The following CRKL variants were observed in gnomAD, a reference collection of about 807,000 sequenced individuals.
The protein encoded by CRKL is CRK like proto-oncogene, adaptor protein.
In CRKL, 3 loss-of-function variants were observed where a neutral mutation model predicts 23.0. The observed-to-expected ratio is 0.13, with a 90% CI of 0.06 to 0.34. CRKL has a LOEUF of 0.34. Ranked by LOEUF, CRKL falls within the 10% of genes least tolerant of loss-of-function variation. The pLI, the probability that CRKL is intolerant of heterozygous loss-of-function variation, is 1.00. For missense variants in CRKL, 256 were observed against 394.5 expected (o/e 0.65, Z 2.97); for synonymous variants, 188 against 160.7 (o/e 1.17, Z -1.28).
intron 1 of CRKL, 53 bp downstream of exon 1, chr22:20,918,298 G>C: frequency 6.3e-7 from 1 of 1,581,420 alleles, no homozygotes; most frequent in Non-Finnish European, 8.6e-7. Context: ...CGGGTCTGTC[G>C]AAGAGTGCTT....
intron 2 of CRKL, among the ~76,000 whole-genome samples, chr22:20,937,380 C>T (rs1459087757): frequency 6.6e-6 from 1 of 151,104 alleles, no homozygotes; most frequent in African/African-American, 2.4e-5. Flanking sequence ...TCGTTGAGAA[C>T]CTTGAAAGTC....
intron 1 of CRKL, among the ~76,000 whole-genome samples, chr22:20,924,449 G>C (rs1440596695): frequency 6.6e-6 from 1 of 152,166 alleles, no homozygotes; most frequent in African/African-American, 2.4e-5. Flanking sequence ...ATTTGGAATG[G>C]GGAAAGGATT....
At chr22:20,919,634 A>G (rs1420345796) in intron 1 of CRKL, among the ~76,000 whole-genome samples, 3 of 152,194 alleles carry the variant, frequency 2.0e-5, no homozygotes, top group South Asian at 4.1e-4. Flanking sequence ...ATTTGAGTTG[A>G]AAAGTTGCCT....
intron 2 of CRKL, among the ~76,000 whole-genome samples, chr22:20,945,364 C>G (rs1200434828): frequency 7.8e-6 from 1 of 128,598 alleles, no homozygotes; most frequent in Non-Finnish European, 1.7e-5. Context: ...GATCTCGTAC[C>G]CTGCGACTTT....
At chr22:20,926,586 A>G (rs1921211409) in intron 1 of CRKL, among the ~76,000 whole-genome samples, 2 of 152,088 alleles carry the variant, frequency 1.3e-5, no homozygotes, top group African/African-American at 4.8e-5. Context: ...TAGCAATCTG[A>G]TGGGTTTGTT....
intron 1 of CRKL, among the ~76,000 whole-genome samples, chr22:20,932,979 C>T (rs889048311): frequency 9.9e-5 from 15 of 152,004 alleles, no homozygotes; most frequent in Non-Finnish European, 1.5e-5. Context: ...ACTCGGGAGG[C>T]TGAGGCAGAA....
chr22:20,936,547 C>T (rs1005462761), intron 2 of CRKL, among the ~76,000 whole-genome samples: 1 of 151,980 alleles, frequency 6.6e-6, no homozygotes, highest in Non-Finnish European at 1.5e-5. Flanking sequence ...GACGGGGTTT[C>T]TCCATGTTGG....
intron 1 of CRKL, among the ~76,000 whole-genome samples, chr22:20,925,066 T>TAGTC (rs1921146895): frequency 6.6e-6 from 1 of 151,394 alleles, no homozygotes; most frequent in African/African-American, 2.4e-5. Context: ...CATGCATCTG[T>TAGTC]AGTCCCAGCT....
chr22:20,927,513 C>T (rs1264614470), intron 1 of CRKL, among the ~76,000 whole-genome samples: 12 of 139,898 alleles, frequency 8.6e-5, no homozygotes, highest in African/African-American at 2.6e-4. Context: ...AGTTTTCTAC[C>T]TTTTTTTTTT....
chr22:20,925,786 G>A (rs924621132), intron 1 of CRKL, among the ~76,000 whole-genome samples: 1 of 152,162 alleles, frequency 6.6e-6, no homozygotes, highest in African/African-American at 2.4e-5. Context: ...TTAAACCAGA[G>A]TTAGGTAATT....
At chr22:20,945,631 G>T (rs1169528134) in intron 2 of CRKL, among the ~76,000 whole-genome samples, 1 of 152,154 alleles carries the variant, frequency 6.6e-6, no homozygotes, top group East Asian at 1.9e-4. Context: ...TTCAGTTGTG[G>T]GTTTGAGTGT....
Position 20,935,783 on chromosome 22 carries a change from G to A in CRKL, c.777+1539G>A, listed in dbSNP as rs1400105105. On this transcript the variant is annotated intron_variant, in intron 2 of 2. Coordinates refer to ENST00000354336, the MANE Select transcript of CRKL (RefSeq NM_005207.4). ...TCAGGTGACCCACCCACCTTAGCCC[G>A]CAAGTGCTGGGATTACAGGCATGAT... Among the ~76,000 whole-genome samples, 3 of 151,096 alleles carry A rather than the reference G, an allele frequency of 2.0e-5. No individual in the cohort carries two copies. The East Asian group carries it at 6.0e-4, about 30-fold the overall frequency.
intron 1 of CRKL, among the ~76,000 whole-genome samples, chr22:20,927,514 T>G (rs66908867): frequency 0.076 from 768 of 10,108 alleles, 10 homozygotes; most frequent in South Asian, 0.33. Flanking sequence ...GTTTTCTACC[T>G]TTTTTTTTTT....
chr22:20,920,952 C>A (rs1920985790), intron 1 of CRKL, among the ~76,000 whole-genome samples: 2 of 152,168 alleles, frequency 1.3e-5, no homozygotes, highest in South Asian at 4.1e-4. Context: ...CTAGGTATCT[C>A]TGAAGGAGAT....
intron 2 of CRKL, 95 bp from the exon 3 acceptor site, chr22:20,949,616 T>C: frequency 1.3e-6 from 2 of 1,506,180 alleles, no homozygotes; most frequent in East Asian, 2.3e-5. Context: ...TAATAATGTA[T>C]GGGCCCTTTG....
chr22:20,934,487 C>T (rs192791129), intron 2 of CRKL, among the ~76,000 whole-genome samples: 270 of 152,280 alleles, frequency 1.8e-3, no homozygotes, highest in Non-Finnish European at 2.4e-3. Context: ...CCTCCTACCT[C>T]GACCTCCCAA....
At chr22:20,941,882 C>T (rs957566318) in intron 2 of CRKL, among the ~76,000 whole-genome samples, 8 of 152,090 alleles carry the variant, frequency 5.3e-5, no homozygotes, top group Non-Finnish European at 1.2e-4. Context: ...TTTTGTTCCT[C>T]TTTCCTAATG....
At chr22:20,940,221 C>T (rs1171055223) in intron 2 of CRKL, among the ~76,000 whole-genome samples, 1 of 151,978 alleles carries the variant, frequency 6.6e-6, no homozygotes, top group African/African-American at 2.4e-5. Flanking sequence ...TCCAGATCTG[C>T]CTCTTATATC....
chr22:20,949,434 C>T (rs955707657), intron 2 of CRKL, among the ~76,000 whole-genome samples: 3 of 152,112 alleles, frequency 2.0e-5, no homozygotes, highest in African/African-American at 4.8e-5. Flanking sequence ...CGACAGACCC[C>T]GTCTATAAAA....
Sources: gnomAD v4.1 joint callset for allele counts (sites outside exome capture counted in the v4.1 genomes callset) on GRCh38, gnomAD v4.1.1 for gene constraint, MANE v1.5 for transcripts, NCBI Gene and HGNC (gene_info 2026-07-23, HGNC 2026-07-21) for gene names.